The following USP32 variants were observed in gnomAD, a reference collection of about 807,000 sequenced individuals.
The protein encoded by USP32 is ubiquitin carboxyl-terminal hydrolase 32.
Under a neutral mutation model 204.8 loss-of-function variants are expected in USP32, and 59 were observed. That is an observed-to-expected ratio of 0.29 (90% CI 0.23 to 0.36). USP32 has a LOEUF of 0.36. USP32 is among the 10% of genes least tolerant of loss of function. The pLI is 1.00. For missense variants in USP32, 1,160 were observed against 1,946.4 expected (o/e 0.60, Z 7.60); for synonymous variants, 517 against 678.4 (o/e 0.76, Z 3.70).
At chr17:60,221,236 A>T (rs897103423) in intron 15 of USP32, among the ~76,000 whole-genome samples, 2 of 152,128 alleles carry the variant, frequency 1.3e-5, no homozygotes, top group Non-Finnish European at 2.9e-5. Flanking sequence ...TCTTAAAAAA[A>T]TTTAAAAATT....
chr17:60,185,553 C>T lies in USP32; in HGVS notation c.3741G>A (p.Glu1247=). ...AGTAGTACATCTCATTTTCCCCTAG[C>T]TCTTCCTCACTGGTGAAAGCACGGA... ...SCLRAFTSEE[E]LGENEMYYCS... Residue 1247 remains glutamate, a synonymous_variant, in exon 30 of 34, where the codon GAG becomes GAA. Transcript: ENST00000300896. The T allele has an allele frequency of 1.2e-6, 2 of 1,612,008 alleles. No individual in the cohort carries two copies. Among genetic ancestry groups the T allele is most frequent in the African/African-American group, 1.3e-5 (1 of 74,966 alleles).
chr17:60,408,481 G>T (rs917896325), intron 1 of USP32, among the ~76,000 whole-genome samples: 1 of 151,764 alleles, frequency 6.6e-6, no homozygotes, highest in South Asian at 2.1e-4. Flanking sequence ...GGGTTCAATC[G>T]ATTTTCCTGC....
At chr17:60,329,968 G>T (rs996113496) in intron 2 of USP32, among the ~76,000 whole-genome samples, 34 of 152,300 alleles carry the variant, frequency 2.2e-4, no homozygotes, top group South Asian at 2.1e-4. Context: ...TTATTCGTAT[G>T]CCCTTGCAAT....
At chr17:60,414,618 G>A (rs986469670) in intron 1 of USP32, among the ~76,000 whole-genome samples, 1 of 151,236 alleles carries the variant, frequency 6.6e-6, no homozygotes, top group South Asian at 2.1e-4. Context: ...TAGTAGAGAC[G>A]GGGTTTTGCC....
chr17:60,237,120 AT>A (rs2085749241), intron 11 of USP32, among the ~76,000 whole-genome samples: 3 of 101,224 alleles, frequency 3.0e-5, no homozygotes, highest in East Asian at 2.6e-4. Context: ...TACTCTATCT[AT>A]CTATCTATCT....
intron 3 of USP32, 111 bp downstream of exon 3, chr17:60,301,488 T>C (rs2087574024): frequency 9.7e-6 from 6 of 618,836 alleles, no homozygotes; most frequent in Admixed American, 4.0e-5. Context: ...TTACCACTTG[T>C]ATATCTTCTT....
At position 60,321,484 on chromosome 17, in the gene USP32, T is replaced by C. The variant is rs1342842968; in HGVS notation, c.187-19780A>G. Among the ~76,000 whole-genome samples the C allele has an allele frequency of 1.3e-5, 2 of 152,014 alleles. 1 individual carries two copies. Among genetic ancestry groups the C allele is most frequent in the East Asian group, 3.8e-4 (2 of 5,196 alleles). On this transcript the variant is annotated intron_variant, in intron 2 of 33. Coordinates refer to ENST00000300896, the MANE Select transcript of USP32 (RefSeq NM_032582.4). ...TGTCCAGAATATAATCTGAAATCAC[T>C]CAGCACATAAAGAACCAGGAAATTA...
At chr17:60,362,922 CTGAT>C (rs1287036810) in intron 1 of USP32, among the ~76,000 whole-genome samples, 2 of 151,282 alleles carry the variant, frequency 1.3e-5, no homozygotes, top group Non-Finnish European at 2.9e-5. Context: ...ATTGTAATAA[CTGAT>C]TGTCTTTAAC....
intron 4 of USP32, among the ~76,000 whole-genome samples, chr17:60,293,997 C>G (rs2087355384): frequency 6.6e-6 from 1 of 152,132 alleles, no homozygotes; most frequent in South Asian, 2.1e-4. Flanking sequence ...TTTTCTATTG[C>G]TGAATTTTCT....
chr17:60,397,119 A>C (rs2089905848), upstream of USP32, among the ~76,000 whole-genome samples: 1 of 152,344 alleles, frequency 6.6e-6, no homozygotes, highest in South Asian at 2.1e-4. Flanking sequence ...GAATAAGTAC[A>C]CCAGTTGAAT....
chr17:60,187,134 C>T, intron 29 of USP32, among the ~76,000 whole-genome samples: 1 of 152,140 alleles, frequency 6.6e-6, no homozygotes, highest in East Asian at 1.9e-4. Context: ...TGTTGCAATA[C>T]AAATTGGCAC....
At chr17:60,218,155 T>A (rs914096182) in intron 16 of USP32, among the ~76,000 whole-genome samples, 4 of 152,060 alleles carry the variant, frequency 2.6e-5, no homozygotes, top group Non-Finnish European at 5.9e-5. Context: ...CAGGCCGAGG[T>A]GGATGGATCA....
At chr17:60,257,298 G>C (rs1296741563) in intron 9 of USP32, among the ~76,000 whole-genome samples, 1 of 152,176 alleles carries the variant, frequency 6.6e-6, no homozygotes, top group African/African-American at 2.4e-5. Context: ...GGCATGCACA[G>C]TTATTTCTTC....
intron 1 of USP32, among the ~76,000 whole-genome samples, chr17:60,367,035 G>C (rs1285143423): frequency 3.3e-5 from 5 of 152,126 alleles, no homozygotes; most frequent in Non-Finnish European, 7.3e-5. Flanking sequence ...CACCGTGTTA[G>C]CCAGGATGGT....
At chr17:60,186,805 A>G (rs1372113428) in intron 29 of USP32, among the ~76,000 whole-genome samples, 1 of 152,130 alleles carries the variant, frequency 6.6e-6, no homozygotes, top group East Asian at 1.9e-4. Context: ...GCAACAGAAA[A>G]GAAACAATTT....
chr17:60,239,998 G>A (rs1371195746), intron 11 of USP32, among the ~76,000 whole-genome samples: 1 of 152,230 alleles, frequency 6.6e-6, no homozygotes, highest in Non-Finnish European at 1.5e-5. Context: ...GCCTCCCAAA[G>A]TGCTGGGATT....
In USP32 at chr17:60,222,547, A is replaced by C. The variant is rs1194803997; in HGVS notation, c.1611T>G (p.Ala537=). The C allele has an allele frequency of 6.2e-7, 1 of 1,613,290 alleles. No individual in the cohort carries two copies. The highest frequency in any genetic ancestry group is 8.5e-7 in the Non-Finnish European group (1 of 1,179,586). ...QPLVTQEPVK[A]TSLTLEGGRL... The stretch of plus-strand genomic sequence containing the variant: ...GTCCTCCTTCTAGTGTTAATGATGT[A>C]GCCTGAGAAAGAATAGAATGACAAT... Residue 537 remains alanine, a splice_region_variant and synonymous_variant, in exon 15 of 34, where the codon GCT becomes GCG. Transcript: ENST00000300896.
intron 5 of USP32, among the ~76,000 whole-genome samples, chr17:60,279,491 G>GA (rs749405806): frequency 3.6e-4 from 49 of 137,288 alleles, no homozygotes; most frequent in African/African-American, 5.4e-4. Flanking sequence ...AAAAAAAAAA[G>GA]AAAAAAAAAA....
intron 1 of USP32, among the ~76,000 whole-genome samples, chr17:60,409,270 C>T (rs1399375588): frequency 1.3e-5 from 2 of 152,210 alleles, no homozygotes; most frequent in Non-Finnish European, 2.9e-5. Flanking sequence ...ATCACTTGAA[C>T]CTAGGAGGCG....
Sources: gnomAD v4.1 joint callset for allele counts (sites outside exome capture counted in the v4.1 genomes callset) on GRCh38, gnomAD v4.1.1 for gene constraint, MANE v1.5 for transcripts, NCBI Gene and HGNC (gene_info 2026-07-23, HGNC 2026-07-21) for gene names.